ZSCAN22: variants seen among roughly 807,000 people sequenced by gnomAD.
ZSCAN22 encodes the protein zinc finger and SCAN domain containing 22, also known as zinc finger and SCAN domain-containing protein 22.
Under a neutral mutation model 12.4 loss-of-function variants are expected in ZSCAN22, and 7 were observed. The observed-to-expected ratio is 0.57, with a 90% CI of 0.32 to 1.06. The LOEUF is 1.06. Among genes scored for constraint, ZSCAN22 ranks in the 50% least tolerant of loss-of-function variants. The pLI is 0.04. For synonymous variants in ZSCAN22, 243 were observed against 255.9 expected (o/e 0.95, Z 0.48); for missense variants, 576 against 631.7 (o/e 0.91, Z 0.94).
In ZSCAN22 at chr19:58,334,994, C is replaced by G. The variant is rs372085599; in HGVS notation, c.192C>G (p.His64Gln). 37 of 1,614,094 alleles carry G rather than the reference C, an allele frequency of 2.3e-5. No individual in the cohort carries two copies. In the African/African-American group the frequency reaches 4.1e-4, roughly 18 times the overall value. The part of the protein sequence containing the change: ...HFRYEEASGP[H>Q]EALAHLRALC... ...GCTATGAGGAGGCATCTGGTCCACA[C>G]GAGGCCCTGGCCCACCTCCGAGCGC... The change falls in exon 2 of 3, where the codon CAC (histidine) becomes CAG (glutamine). Residue 64 changes from histidine (H) to glutamine (Q), a missense_variant. Physicochemically the swap from His to Gln is conservative, Grantham distance 24 (BLOSUM62 0). Transcript: ENST00000329665.
Position 58,329,181 on chromosome 19 carries a change from C to T in ZSCAN22, c.-52+2067C>T, listed in dbSNP as rs1270954549. 1.3e-5 allele frequency among the ~76,000 whole-genome samples: 2 copies of T among 150,998 alleles called. No individual in the cohort carries two copies. Among genetic ancestry groups the T allele is most frequent in the Admixed American group, 1.3e-4 (2 of 15,120 alleles). On this transcript the variant is annotated intron_variant, in intron 1 of 2. Transcript: ENST00000329665. The surrounding 1 kb of genome is among the most constrained non-coding windows in gnomAD (Gnocchi z 4.1). Reference sequence around the variant, plus strand: ...TTACAGTGCGGCGAAGGGGCTTAAACGCAGCTTGGCCAGAGGCCACCAGAG... The same window carrying T: ...TTACAGTGCGGCGAAGGGGCTTAAATGCAGCTTGGCCAGAGGCCACCAGAG...
Position 58,339,626 on chromosome 19 carries a change from G to A in ZSCAN22, c.*300G>A, listed in dbSNP as rs1600496178. 1.8e-5 allele frequency: 6 copies of A among 327,442 alleles called. No homozygotes were observed. The East Asian group carries it at 2.6e-4, about 14-fold the overall frequency. The allele number at this position is 327,442 out of a possible 1,614,324, so 20.3% of individuals were successfully genotyped here. ...GCAGCCGAACTGAGGATTTAGACTG[G>A]TTCTGAGGGCCAGGGCAAATGAAGG... On this transcript the variant is annotated 3_prime_UTR_variant, in exon 3 of 3. Transcript: ENST00000329665. The surrounding 1 kb of genome is among the most constrained non-coding windows in gnomAD (Gnocchi z 5.6).
chr19:58,340,642 G>GT lies in ZSCAN22; in HGVS notation c.*1331dup, dbSNP rs374592323. 125,622 of 133,256 alleles carry GT rather than the reference G, an allele frequency of 0.94. 59,313 individuals carry two copies. Among genetic ancestry groups the GT allele is most frequent in the East Asian group, 0.99 (4,535 of 4,602 alleles). The allele number at this position is 133,256 out of a possible 1,614,324, so 8.3% of individuals were successfully genotyped here. A position where few individuals can be genotyped will look rare whatever the true frequency, so the allele number is the denominator to read the frequency against. On this transcript the variant is annotated 3_prime_UTR_variant, in exon 3 of 3. Transcript: ENST00000329665. ...AGGCGCCTGCCACCACGCCCAGCTA[G>GT]TTTTTTTTTTTTTTTGTATTTTTAG...
intron 1 of ZSCAN22, among the ~76,000 whole-genome samples, chr19:58,331,518 G>GTTATTATTA (rs74179462): frequency 0.017 from 2,031 of 119,398 alleles, 25 homozygotes; most frequent in Middle Eastern, 0.035. Context: ...TCCAGCTGAC[G>GTTATTATTA]TTATTATTAT....
rs761761655 is a variant in ZSCAN22, at chr19:58,339,323, ATGAC to A, written c.1474_*1del. ...TGCGGATCCACATCACGGTGCTGCA[ATGAC>A]CGGAAGTCGCCCCTGGGGGCGTAGC... On this transcript the variant is annotated stop_lost and 3_prime_UTR_variant, in exon 3 of 3. Transcript: ENST00000329665. The surrounding 1 kb of genome is among the most constrained non-coding windows in gnomAD (Gnocchi z 5.6). 88 of 1,597,592 alleles carry A rather than the reference ATGAC, an allele frequency of 5.5e-5. No homozygotes were observed. The highest frequency in any genetic ancestry group is 7.2e-5 in the Non-Finnish European group (84 of 1,169,580).
At chr19:58,333,157 G>A (rs1369335268) in intron 1 of ZSCAN22, among the ~76,000 whole-genome samples, 1 of 152,144 alleles carries the variant, frequency 6.6e-6, no homozygotes, top group Non-Finnish European at 1.5e-5. Flanking sequence ...TTTTTACTAT[G>A]GAGTTGTTCT....
chr19:58,336,979 T>A (rs1393367132), intron 2 of ZSCAN22, among the ~76,000 whole-genome samples: 1 of 152,202 alleles, frequency 6.6e-6, no homozygotes, highest in African/African-American at 2.4e-5. Flanking sequence ...CTCTGCCTCC[T>A]CCCTGGAATC....
chr19:58,337,937 T>C (rs1360422014), intron 2 of ZSCAN22, among the ~76,000 whole-genome samples: 1 of 152,248 alleles, frequency 6.6e-6, no homozygotes, highest in Non-Finnish European at 1.5e-5. Flanking sequence ...ACCCTCCCTC[T>C]CTCTCTGTCT....
rs1261991640 is a variant in ZSCAN22 at position 58,339,657 on chromosome 19, GTC to G, written c.*336_*337del. 5 of 265,024 alleles carry G rather than the reference GTC, an allele frequency of 1.9e-5. No individual in the cohort carries two copies. Among genetic ancestry groups the G allele is most frequent in the Non-Finnish European group, 2.9e-5 (4 of 139,550 alleles). The allele number at this position is 265,024 out of a possible 1,614,324, so 16.4% of individuals were successfully genotyped here. On this transcript the variant is annotated 3_prime_UTR_variant, in exon 3 of 3. Coordinates refer to ENST00000329665, the MANE Select transcript of ZSCAN22 (RefSeq NM_181846.3). The surrounding 1 kb of genome is among the most constrained non-coding windows in gnomAD (Gnocchi z 5.6). ...AGGGCCAGGGCAAATGAAGGCGCATGTCTCTCAGAACTCAGCGTCCCAAGACG... is the reference window on the plus strand; with the variant it reads ...AGGGCCAGGGCAAATGAAGGCGCATGTCTCAGAACTCAGCGTCCCAAGACG...
At position 58,341,577 on chromosome 19, in the gene ZSCAN22, T is replaced by A. The variant is rs1011654547; in HGVS notation, c.*2251T>A. On this transcript the variant is annotated 3_prime_UTR_variant, in exon 3 of 3. Coordinates refer to ENST00000329665, the MANE Select transcript of ZSCAN22 (RefSeq NM_181846.3). ...CACAGAGACTGATGAGAAACGTTCA[T>A]AACATGAAGGTAAGACTCAGGGAGA... is the stretch of plus-strand genomic sequence containing the variant. 5 of 152,190 alleles carry A rather than the reference T, an allele frequency of 3.3e-5. No individual in the cohort carries two copies. The highest frequency in any genetic ancestry group is 1.2e-4 in the African/African-American group (5 of 41,444). The allele number at this position is 152,190 out of a possible 1,614,324, so 9.4% of individuals were successfully genotyped here.
Position 58,338,137 on chromosome 19 carries a change from G to A in ZSCAN22, c.404-117G>A. On this transcript the variant is annotated intron_variant, in intron 2 of 2. Transcript: ENST00000329665. This position sits in a 1 kb window ranked among gnomAD's most constrained non-coding sequence, Gnocchi z 5.4. ...ATGAGAAACTTCCCCTTGGAACTGG[G>A]GCCAGATGTTAGGAACGGGCCACAT... The A allele has an allele frequency of 1.1e-6, 1 of 930,972 alleles. No individual in the cohort carries two copies. 57.7% of individuals were successfully genotyped at this position (930,972 alleles called of 1,614,324 possible). A position where few individuals can be genotyped will look rare whatever the true frequency, so the allele number is the denominator to read the frequency against.
chr19:58,336,679 TCA>T (rs1159835445), intron 2 of ZSCAN22, among the ~76,000 whole-genome samples: 1 of 152,174 alleles, frequency 6.6e-6, no homozygotes, highest in African/African-American at 2.4e-5. Context: ...CAGCTGGATT[TCA>T]GTTTCCCCAT....
intron 1 of ZSCAN22, among the ~76,000 whole-genome samples, chr19:58,328,604 G>A (rs1372759689): frequency 6.6e-6 from 1 of 152,182 alleles, no homozygotes; most frequent in Non-Finnish European, 1.5e-5. Context: ...ACCCTCCTTG[G>A]TTGGTAAAGC....
At chr19:58,334,658 A>G in intron 1 of ZSCAN22, 94 bp from the exon 2 acceptor site, 2 of 918,006 alleles carry the variant, frequency 2.2e-6, no homozygotes, top group Middle Eastern at 3.5e-4. Flanking sequence ...AGTCTTTCAC[A>G]TCTCACGGGC....
chr19:58,337,121 A>AC (rs1458310683), intron 2 of ZSCAN22, among the ~76,000 whole-genome samples: 1 of 152,194 alleles, frequency 6.6e-6, no homozygotes, highest in Non-Finnish European at 1.5e-5. Flanking sequence ...ATAGTACTTT[A>AC]CAATGTAGGG....
In ZSCAN22 at chr19:58,339,365, C is replaced by T. The variant is rs1305510461; in HGVS notation, c.*39C>T. 1.2e-5 allele frequency: 19 copies of T among 1,527,956 alleles called. No homozygotes were observed. Among genetic ancestry groups the T allele is most frequent in the East Asian group, 9.1e-5 (4 of 44,134 alleles). The allele number at this position is 1,527,956 out of a possible 1,614,324, so 94.6% of individuals were successfully genotyped here. A position where few individuals can be genotyped will look rare whatever the true frequency, so the allele number is the denominator to read the frequency against. The stretch of plus-strand genomic sequence containing the variant: ...CTGGGGGCGTAGCACAGCGTCTTCT[C>T]GGAGGCTCGAGGTCTAAGAGAAACG... On this transcript the variant is annotated 3_prime_UTR_variant, in exon 3 of 3. Transcript: ENST00000329665. This position sits in a 1 kb window ranked among gnomAD's most constrained non-coding sequence, Gnocchi z 5.6.
intron 1 of ZSCAN22, among the ~76,000 whole-genome samples, chr19:58,332,860 T>C (rs2051743896): frequency 6.6e-6 from 1 of 152,206 alleles, no homozygotes; most frequent in Non-Finnish European, 1.5e-5. Context: ...CTGTTTAAGC[T>C]TTTGAGGAAC....
At chr19:58,331,475 A>G (rs2051723394) in intron 1 of ZSCAN22, among the ~76,000 whole-genome samples, 1 of 150,784 alleles carries the variant, frequency 6.6e-6, no homozygotes, top group Non-Finnish European at 1.5e-5. Context: ...TCAGCCTCCC[A>G]AAGTGCTGGG....
At chr19:58,330,990 C>A (rs1241087291) in intron 1 of ZSCAN22, among the ~76,000 whole-genome samples, 1 of 152,164 alleles carries the variant, frequency 6.6e-6, no homozygotes, top group Non-Finnish European at 1.5e-5. Context: ...GCTGTAGACA[C>A]TGGGGATAAA....
Sources: gnomAD v4.1 joint callset for allele counts (sites outside exome capture counted in the v4.1 genomes callset) on GRCh38, gnomAD v4.1.1 for gene constraint, Gnocchi (gnomAD v3.1) non-coding constraint, MANE v1.5 for transcripts, NCBI Gene and HGNC (gene_info 2026-07-23, HGNC 2026-07-21) for gene names.